GRIK2: variants seen among roughly 807,000 people sequenced by gnomAD.
GRIK2 encodes the protein glutamate receptor ionotropic, kainate 2.
A neutral mutation model predicts 100.3 loss-of-function variants in GRIK2; 32 were observed. That is an observed-to-expected ratio of 0.32 (90% CI 0.24 to 0.43). The LOEUF is 0.43. Among genes scored for constraint, GRIK2 ranks in the 20% least tolerant of loss-of-function variants. The probability of loss-of-function intolerance (pLI) is 1.00; values close to 1 mark genes in which losing one functional copy is unlikely to be tolerated. For synonymous variants in GRIK2, 417 were observed against 389.4 expected (o/e 1.07, Z -0.83); for missense variants, 843 against 1,114.9 (o/e 0.76, Z 3.47).
At chr6:101,447,672 G>A (rs934509250) in intron 2 of GRIK2, among the ~76,000 whole-genome samples, 16 of 151,736 alleles carry the variant, frequency 1.1e-4, no homozygotes, top group African/African-American at 3.9e-4. Context: ...ATCTCTCACA[G>A]ATTGATTTTT....
chr6:101,915,221 T>C (rs1789022738), intron 12 of GRIK2, among the ~76,000 whole-genome samples: 1 of 151,398 alleles, frequency 6.6e-6, no homozygotes, highest in African/African-American at 2.4e-5. Context: ...GGGATATATG[T>C]TATTTATAAC....
intron 7 of GRIK2, among the ~76,000 whole-genome samples, chr6:101,705,747 AAAGTT>A (rs1235716727): frequency 6.6e-6 from 1 of 151,946 alleles, no homozygotes; most frequent in Non-Finnish European, 1.5e-5. Context: ...ATCAAATGAC[AAAGTT>A]AAGTGTGATA....
intron 2 of GRIK2, among the ~76,000 whole-genome samples, chr6:101,547,752 C>G (rs1776315809): frequency 6.6e-6 from 1 of 151,666 alleles, no homozygotes; most frequent in Admixed American, 6.6e-5. Context: ...CAAGTCTTTG[C>G]TCTTGTGAAT....
Position 101,928,605 on chromosome 6 carries a change from G to A in GRIK2, c.2058G>A (p.Glu686=). Residue 686 remains glutamate, a synonymous_variant, in exon 14 of 17, where the codon GAG becomes GAA. Coordinates refer to ENST00000369134, the MANE Select transcript of GRIK2 (RefSeq NM_021956.5). Reference sequence around the variant, plus strand: ...CCAAGATAGAATATGGAGCAGTAGAGGATGGTGCAACCATGACTTTTTTCA... The same window carrying A: ...CCAAGATAGAATATGGAGCAGTAGAAGATGGTGCAACCATGACTTTTTTCA... ...KQTKIEYGAV[E]DGATMTFFKK... 2.5e-6 allele frequency: 4 copies of A among 1,593,634 alleles called. No individual in the cohort carries two copies. The highest frequency in any genetic ancestry group is 3.4e-6 in the Non-Finnish European group (4 of 1,161,460).
At chr6:102,002,881 ATATTC>A (rs1795025980) in intron 14 of GRIK2, among the ~76,000 whole-genome samples, 2 of 147,422 alleles carry the variant, frequency 1.4e-5, no homozygotes, top group African/African-American at 5.0e-5. Flanking sequence ...TATACTTGTT[ATATTC>A]TATTCATCTA....
intron 14 of GRIK2, among the ~76,000 whole-genome samples, chr6:101,996,323 C>G (rs777798987): frequency 6.6e-6 from 1 of 151,996 alleles, no homozygotes; most frequent in Non-Finnish European, 1.5e-5. Context: ...AAATGCTTGA[C>G]AACAGAGTGT....
chr6:101,833,317 C>T (rs1031817395), intron 10 of GRIK2, among the ~76,000 whole-genome samples: 1 of 151,948 alleles, frequency 6.6e-6, no homozygotes, highest in Non-Finnish European at 1.5e-5. Context: ...CTGCAACCTT[C>T]GCCTCCCAGG....
chr6:101,837,972 G>A (rs1030366967), intron 10 of GRIK2, among the ~76,000 whole-genome samples: 3 of 152,092 alleles, frequency 2.0e-5, no homozygotes, highest in Admixed American at 6.5e-5. Context: ...GAAAGTCTAG[G>A]AAGGTCACTT....
At chr6:101,986,150 G>A (rs1794004726) in intron 14 of GRIK2, among the ~76,000 whole-genome samples, 1 of 151,738 alleles carries the variant, frequency 6.6e-6, no homozygotes, top group Non-Finnish European at 1.5e-5. Flanking sequence ...TGATTTAAAT[G>A]CCATTTGACT....
intron 14 of GRIK2, among the ~76,000 whole-genome samples, chr6:101,952,518 A>G (rs1791661986): frequency 6.6e-6 from 1 of 152,074 alleles, no homozygotes. Context: ...CTCTATTAAG[A>G]TGTAATTTAT....
chr6:101,830,686 G>A (rs1782619736), intron 10 of GRIK2, among the ~76,000 whole-genome samples: 1 of 151,166 alleles, frequency 6.6e-6, no homozygotes, highest in African/African-American at 2.4e-5. Flanking sequence ...AGTCAGAATG[G>A]CTATTATTAA....
At chr6:101,616,413 T>G (rs567305084) in intron 2 of GRIK2, among the ~76,000 whole-genome samples, 17 of 151,822 alleles carry the variant, frequency 1.1e-4, no homozygotes, top group Non-Finnish European at 2.5e-4. Flanking sequence ...GAACCAAGGT[T>G]AATATATTGT....
At chr6:101,955,831 C>A (rs761462120) in intron 14 of GRIK2, among the ~76,000 whole-genome samples, 1 of 151,696 alleles carries the variant, frequency 6.6e-6, no homozygotes, top group African/African-American at 2.4e-5. Flanking sequence ...TATTGTTGAT[C>A]TTTTCAAAGA....
At chr6:101,718,542 G>A (rs756173392) in intron 7 of GRIK2, among the ~76,000 whole-genome samples, 1 of 151,882 alleles carries the variant, frequency 6.6e-6, no homozygotes, top group Non-Finnish European at 1.5e-5. Flanking sequence ...TTTTGAAGGA[G>A]AAAAGATTAA....
intron 11 of GRIK2, among the ~76,000 whole-genome samples, chr6:101,861,827 A>G (rs1280424956): frequency 2.0e-5 from 3 of 152,176 alleles, no homozygotes; most frequent in Non-Finnish European, 4.4e-5. Context: ...GAGGCTGATT[A>G]ATTAATAAGA....
chr6:101,785,925 T>C (rs1214373299), intron 7 of GRIK2, among the ~76,000 whole-genome samples: 1 of 152,068 alleles, frequency 6.6e-6, no homozygotes, highest in Non-Finnish European at 1.5e-5. Context: ...TGGCCATTTT[T>C]ACAACATTAA....
chr6:101,793,374 A>C (rs891075435), intron 7 of GRIK2, among the ~76,000 whole-genome samples: 1 of 152,162 alleles, frequency 6.6e-6, no homozygotes, highest in Non-Finnish European at 1.5e-5. Flanking sequence ...GGTGATGTAC[A>C]GATGGGTTTT....
intron 14 of GRIK2, among the ~76,000 whole-genome samples, chr6:101,952,166 G>T (rs1791641236): frequency 6.6e-6 from 1 of 152,160 alleles, no homozygotes; most frequent in Non-Finnish European, 1.5e-5. Flanking sequence ...CTCTATGACG[G>T]AACCATCCAG....
chr6:101,845,522 A>G (rs1189206177), intron 10 of GRIK2, among the ~76,000 whole-genome samples: 2 of 152,154 alleles, frequency 1.3e-5, no homozygotes, highest in Non-Finnish European at 2.9e-5. Context: ...ATGATATTCC[A>G]TTTTATGCAT....
Sources: gnomAD v4.1 joint callset for allele counts (sites outside exome capture counted in the v4.1 genomes callset) on GRCh38, gnomAD v4.1.1 for gene constraint, MANE v1.5 for transcripts, NCBI Gene and HGNC (gene_info 2026-07-23, HGNC 2026-07-21) for gene names.